TLN2: variants seen among roughly 807,000 people sequenced by gnomAD.
The protein encoded by TLN2 is talin-2.
In TLN2, 118 loss-of-function variants were observed where a neutral mutation model predicts 294.7. The ratio of observed to expected loss-of-function variants is 0.40; its 90% confidence interval spans 0.34 to 0.47. The LOEUF (loss-of-function observed/expected upper bound fraction) is 0.47. Ranked by LOEUF, TLN2 falls within the 20% of genes least tolerant of loss-of-function variation. The pLI is 0.84. For missense variants in TLN2, 3,083 were observed against 3,282.2 expected, an observed-to-expected ratio of 0.94 and a Z score of 1.48; for synonymous variants, 1,431 against 1,304.5, an observed-to-expected ratio of 1.10 and a Z score of -2.09.
At chr15:62,703,650 C>CAGAGAG (rs1555479923) in intron 19 of TLN2, among the ~76,000 whole-genome samples, 1 of 149,806 alleles carries the variant, frequency 6.7e-6, no homozygotes, top group African/African-American at 2.5e-5. Flanking sequence ...CACACACACA[C>CAGAGAG]AGAGAAAGAG....
intron 34 of TLN2, among the ~76,000 whole-genome samples, chr15:62,752,086 A>G (rs1258799657): frequency 6.6e-6 from 1 of 152,206 alleles, no homozygotes; most frequent in Non-Finnish European, 1.5e-5. Flanking sequence ...ACTGCTTGGA[A>G]TACAGATAAC....
intron 14 of TLN2, 64 bp from the exon 15 acceptor site, chr15:62,697,624 G>T: frequency 2.0e-6 from 3 of 1,513,582 alleles, no homozygotes; most frequent in South Asian, 1.3e-5. Context: ...ACATCTGTGG[G>T]GTCTCCTCAT....
intron 1 of TLN2, among the ~76,000 whole-genome samples, chr15:62,568,212 G>A (rs2043571286): frequency 1.3e-5 from 2 of 152,104 alleles, no homozygotes; most frequent in African/African-American, 4.8e-5. Context: ...TGGGCAGCAG[G>A]AGGGAGCGGC....
chr15:62,592,866 G>A (rs1208818901), intron 2 of TLN2, among the ~76,000 whole-genome samples: 2 of 152,196 alleles, frequency 1.3e-5, no homozygotes, highest in African/African-American at 2.4e-5. Flanking sequence ...GATAGATGGG[G>A]TGGGGGAATG....
intron 50 of TLN2, among the ~76,000 whole-genome samples, chr15:62,803,666 C>T (rs1425467885): frequency 1.3e-5 from 2 of 152,128 alleles, no homozygotes; most frequent in African/African-American, 2.4e-5. Flanking sequence ...TTAATTATTT[C>T]AATTTCTTTG....
chr15:62,429,805 A>C (rs1040889856), intron 1 of TLN2, among the ~76,000 whole-genome samples: 1 of 152,228 alleles, frequency 6.6e-6, no homozygotes, highest in Non-Finnish European at 1.5e-5. Flanking sequence ...AAGTGTTTGC[A>C]TCTCTGTGTA....
intron 37 of TLN2, among the ~76,000 whole-genome samples, chr15:62,758,335 A>G (rs1197213552): frequency 6.6e-6 from 1 of 152,234 alleles, no homozygotes; most frequent in Non-Finnish European, 1.5e-5. Context: ...AATGCTGGGC[A>G]TGGTAGAAGG....
At chr15:62,701,916 G>C in intron 17 of TLN2, 76 bp from the exon 18 acceptor site, 1 of 1,521,488 alleles carries the variant, frequency 6.6e-7, no homozygotes. Context: ...AGGAACTCCT[G>C]CCAGTGTGGG....
At chr15:62,669,570 T>G (rs900755889) in intron 9 of TLN2, among the ~76,000 whole-genome samples, 5 of 152,170 alleles carry the variant, frequency 3.3e-5, no homozygotes, top group African/African-American at 1.2e-4. Context: ...GAGAACAATT[T>G]AAGGAGACAG....
intron 3 of TLN2, among the ~76,000 whole-genome samples, chr15:62,631,576 CTTTCT>C (rs2049872267): frequency 3.8e-5 from 5 of 130,394 alleles, no homozygotes; most frequent in Admixed American, 1.7e-4. Flanking sequence ...CCTTTCCTTT[CTTTCT>C]CTCTCTTCTT....
intron 2 of TLN2, among the ~76,000 whole-genome samples, chr15:62,598,323 CCA>C (rs1296335987): frequency 1.3e-5 from 2 of 152,128 alleles, no homozygotes; most frequent in Non-Finnish European, 2.9e-5. Flanking sequence ...TCTGTCTCTG[CCA>C]CGTCTTGGAC....
chr15:62,539,883 T>C lies in TLN2; in HGVS notation c.-237-49804T>C, dbSNP rs144758252. ...ATTAACTGATGACATCCAGGCCCCT[T>C]TTAGGCACAGGAGACCAAAAAAAAA... On this transcript the variant is annotated intron_variant, in intron 1 of 58. Transcript: ENST00000636159. 2.2e-3 allele frequency among the ~76,000 whole-genome samples: 328 copies of C among 151,868 alleles called. 1 individual carries two copies. The highest frequency in any genetic ancestry group is 7.7e-3 in the African/African-American group (319 of 41,338).
intron 1 of TLN2, among the ~76,000 whole-genome samples, chr15:62,532,536 C>T (rs182435882): frequency 7.2e-5 from 11 of 152,316 alleles, no homozygotes; most frequent in Middle Eastern, 3.4e-3. Context: ...TCCCTGTTGG[C>T]AGCCACAGTC....
At chr15:62,770,916 C>T (rs879119222) in intron 41 of TLN2, 48 bp from the exon 42 acceptor site, 4 of 1,571,168 alleles carry the variant, frequency 2.5e-6, no homozygotes, top group East Asian at 2.2e-5. Context: ...GAAGGAGACA[C>T]GTGTATTTAC....
chr15:62,606,248 A>ATTTTTTTTTTTTTTTTT (rs771750764), intron 2 of TLN2, among the ~76,000 whole-genome samples: 10 of 136,756 alleles, frequency 7.3e-5, no homozygotes, highest in African/African-American at 2.5e-4. Flanking sequence ...TGCTTGGCTA[A>ATTTTTTTTTTTTTTTTT]TTTTTTTTTT....
At chr15:62,420,042 C>A (rs2034304545) in intron 1 of TLN2, among the ~76,000 whole-genome samples, 1 of 152,126 alleles carries the variant, frequency 6.6e-6, no homozygotes, top group Non-Finnish European at 1.5e-5. Context: ...TTGCTTTGTT[C>A]TTATTTCTTA....
At chr15:62,630,862 C>T (rs553101982) in intron 3 of TLN2, among the ~76,000 whole-genome samples, 75 of 152,020 alleles carry the variant, frequency 4.9e-4, no homozygotes, top group Non-Finnish European at 8.5e-4. Flanking sequence ...GACATTCAGA[C>T]GAGTTCACCA....
chr15:62,742,606 G>A lies in TLN2; in HGVS notation c.4025+1837G>A, dbSNP rs150612347. Among the ~76,000 whole-genome samples, 175 of 152,072 alleles carry A rather than the reference G, an allele frequency of 1.2e-3. 1 individual carries two copies. In the East Asian group the frequency reaches 0.015, roughly 13 times the overall value. On this transcript the variant is annotated intron_variant, in intron 32 of 58. Transcript: ENST00000636159. ...GTGCAGGCCCCCTGGTGGTGGCTTC[G>A]AAGAAAGGACATGGGGAAAAGGGGA...
chr15:62,796,192 C>G lies in TLN2; in HGVS notation c.5949C>G (p.Ala1983=), dbSNP rs1015055100. ...NKGTQACITA[A]TAVSGIIADL... The stretch of plus-strand genomic sequence containing the variant: ...GAACCCAGGCATGCATTACAGCCGC[C>G]ACCGCTGTGTCTGGGATCATTGCCG... The change falls in exon 47 of 59, where the codon GCC becomes GCG. Residue 1983 remains alanine (A), a synonymous_variant. Transcript: ENST00000636159. The G allele has an allele frequency of 1.9e-6, 3 of 1,614,260 alleles. No individual in the cohort carries two copies. In the Admixed American group the frequency reaches 5.0e-5, roughly 27 times the overall value.
Sources: allele counts gnomAD v4.1 joint callset (sites outside exome capture counted in the v4.1 genomes callset), GRCh38; gene constraint gnomAD v4.1.1; transcripts MANE v1.5; gene names NCBI Gene and HGNC (gene_info 2026-07-23, HGNC 2026-07-21).